CPSF4L: variants seen among roughly 807,000 people sequenced by gnomAD.
CPSF4L encodes the protein putative cleavage and polyadenylation specificity factor subunit 4-like protein.
CPSF4L carries 18 observed loss-of-function variants against 24.0 expected under a neutral mutation model. The observed-to-expected ratio is 0.75, with a 90% CI of 0.52 to 1.11. CPSF4L has a LOEUF of 1.11. Ranked by LOEUF, CPSF4L falls within the 50% of genes least tolerant of loss-of-function variation. The probability of loss-of-function intolerance (pLI) is 0.00; values close to 1 mark genes in which losing one functional copy is unlikely to be tolerated. For synonymous variants in CPSF4L, 72 were observed against 77.2 expected (o/e 0.93, Z 0.35); for missense variants, 211 against 221.8 (o/e 0.95, Z 0.31).
At chr17:73,242,885 C>CT in the CPSF4L span, 1 of 1,605,838 alleles carries the variant, frequency 6.2e-7, no homozygotes, top group Non-Finnish European at 8.5e-7. Flanking sequence ...GCCGTGTTTC[C>CT]TTTTGAACAG....
chr17:73,250,279 C>T (rs2061999615), intron 5 of CPSF4L: 2 of 1,550,632 alleles, frequency 1.3e-6, no homozygotes, highest in African/African-American at 1.4e-5. Context: ...ACTGTACTTA[C>T]TGGCATAATG....
At chr17:73,254,345 C>T (rs1383053867) in intron 3 of CPSF4L, among the ~76,000 whole-genome samples, 1 of 152,222 alleles carries the variant, frequency 6.6e-6, no homozygotes, top group Non-Finnish European at 1.5e-5. Flanking sequence ...GCCGAGAAGG[C>T]CTGCGACGTT....
the CPSF4L span, chr17:73,242,492 C>T: frequency 1.8e-6 from 1 of 562,064 alleles, no homozygotes; most frequent in East Asian, 3.1e-5. Flanking sequence ...TTCCATTTGT[C>T]TGTGTTCATT....
At chr17:73,257,136 CT>C (rs1680979123) in intron 3 of CPSF4L, among the ~76,000 whole-genome samples, 1 of 152,228 alleles carries the variant, frequency 6.6e-6, no homozygotes. Context: ...TGCTAGACCT[CT>C]GAACCTCATG....
At chr17:73,261,998 T>C, upstream of CPSF4L, 1 of 596,632 alleles carries the variant, frequency 1.7e-6, no homozygotes, top group Non-Finnish European at 3.0e-6. Context: ...AGGGCCCAGC[T>C]GCCTCACCCG....
At chr17:73,263,284 G>A (rs2062053806), upstream of CPSF4L, among the ~76,000 whole-genome samples, 1 of 152,216 alleles carries the variant, frequency 6.6e-6, no homozygotes, top group Non-Finnish European at 1.5e-5. Flanking sequence ...AGGCGCTATG[G>A]ATGGGGTTCA....
downstream of CPSF4L, chr17:73,247,394 G>A: frequency 1.9e-6 from 3 of 1,569,384 alleles, no homozygotes; most frequent in Non-Finnish European, 1.8e-6. Context: ...GTGCCTTCGT[G>A]CCCTGTGTTG....
chr17:73,252,653 C>A lies in CPSF4L; in HGVS notation c.474G>T (p.Glu158Asp). The change falls in exon 5 of 6, where the codon GAG becomes GAT. Residue 158 changes from glutamate to aspartate, a missense_variant. Physicochemically the swap from Glu to Asp is conservative, Grantham distance 45. Transcript: ENST00000344935. ...ACTGAGCAAATTGGCACTTGGGTCC[C>A]TCGGGGCAGAAGCCAACTAAATAGT... The part of the protein sequence containing the change: ...CLNYLVGFCP[E>D]GPKCQFAQKI... 2 of 1,551,418 alleles carry A rather than the reference C, an allele frequency of 1.3e-6. No individual in the cohort carries two copies. The highest frequency in any genetic ancestry group is 1.7e-6 in the Non-Finnish European group (2 of 1,146,770).
At chr17:73,245,101 C>A, downstream of CPSF4L, 1 of 1,482,114 alleles carries the variant, frequency 6.7e-7, no homozygotes, top group Non-Finnish European at 9.4e-7. Flanking sequence ...TCTGTAGAGG[C>A]AAAAGATAGT....
intron 1 of CPSF4L, 52 bp downstream of exon 1, chr17:73,261,664 G>T: frequency 8.1e-7 from 1 of 1,233,604 alleles, no homozygotes. Flanking sequence ...CCGTCTCAAA[G>T]AAAAAAAAAC....
chr17:73,252,726 G>A lies in CPSF4L; in HGVS notation c.404-3C>T, dbSNP rs759993609. 1.3e-6 allele frequency: 2 copies of A among 1,541,238 alleles called. No homozygotes were observed. The highest frequency in any genetic ancestry group is 4.9e-5 in the East Asian group (2 of 40,876). On this transcript the variant is annotated splice_polypyrimidine_tract_variant and splice_region_variant and intron_variant, in intron 4 of 5. Coordinates refer to ENST00000344935, the MANE Select transcript of CPSF4L (RefSeq NM_001129885.1). ...ATGGCGGTATTTACACAGAGGACCTGCTGAGCAAAGAGAAAGTGATGAGAA... is the reference window on the plus strand; with the variant it reads ...ATGGCGGTATTTACACAGAGGACCTACTGAGCAAAGAGAAAGTGATGAGAA...
chr17:73,254,084 C>T, intron 3 of CPSF4L, 58 bp from the exon 4 acceptor site: 1 of 1,340,274 alleles, frequency 7.5e-7, no homozygotes, highest in South Asian at 1.3e-5. Context: ...CTTCTGTGTC[C>T]CCAAACCAGA....
intron 1 of CPSF4L, among the ~76,000 whole-genome samples, chr17:73,261,249 C>T (rs759612101): frequency 2.4e-4 from 36 of 152,368 alleles, no homozygotes; most frequent in African/African-American, 2.6e-4. Flanking sequence ...CTCAATTCAC[C>T]GTCTCTCTGT....
chr17:73,254,063 C>T (rs1338247130), intron 3 of CPSF4L, 37 bp from the exon 4 acceptor site: 3 of 1,484,342 alleles, frequency 2.0e-6, no homozygotes, highest in Non-Finnish European at 1.8e-6. Flanking sequence ...AGCAGTTTCT[C>T]TTTGTGATCA....
At chr17:73,258,688 C>G (rs1216086248) in intron 2 of CPSF4L, among the ~76,000 whole-genome samples, 2 of 152,146 alleles carry the variant, frequency 1.3e-5, no homozygotes, top group East Asian at 1.9e-4. Context: ...ATGCCCTTCT[C>G]CAGGGAAGTA....
chr17:73,255,005 G>C (rs1319279381), intron 3 of CPSF4L, among the ~76,000 whole-genome samples: 1 of 152,146 alleles, frequency 6.6e-6, no homozygotes, highest in Non-Finnish European at 1.5e-5. Context: ...AGGAAGCATG[G>C]GGGAAGATTC....
chr17:73,245,234 G>A (rs748375253), downstream of CPSF4L: 61 of 1,611,146 alleles, frequency 3.8e-5, no homozygotes, highest in South Asian at 5.5e-5. Context: ...AGCAAAGGGC[G>A]TACAGTGGAG....
chr17:73,252,216 C>T (rs530435040), intron 5 of CPSF4L, among the ~76,000 whole-genome samples: 6 of 152,254 alleles, frequency 3.9e-5, no homozygotes, highest in East Asian at 1.9e-4. Flanking sequence ...GAGAGAGAGA[C>T]GATTACAGCC....
chr17:73,254,072 C>A, intron 3 of CPSF4L, 46 bp from the exon 4 acceptor site: 4 of 1,437,644 alleles, frequency 2.8e-6, no homozygotes, highest in Non-Finnish European at 3.8e-6. Flanking sequence ...TCTTTGTGAT[C>A]ACTTCTGTGT....
Sources: allele counts gnomAD v4.1 joint callset (sites outside exome capture counted in the v4.1 genomes callset), GRCh38; gene constraint gnomAD v4.1.1; transcripts MANE v1.5; gene names NCBI Gene and HGNC (gene_info 2026-07-23, HGNC 2026-07-21).